LRRC37A2: variants seen among roughly 807,000 people sequenced by gnomAD.
LRRC37A2 encodes the protein leucine-rich repeat-containing protein 37A2.
LRRC37A2 carries 9 observed loss-of-function variants against 68.8 expected under a neutral mutation model. The ratio of observed to expected loss-of-function variants is 0.13; its 90% CI spans 0.08 to 0.23. The LOEUF (loss-of-function observed/expected upper bound fraction) is 0.23, where lower values mean the gene tolerates loss of function less well. LRRC37A2 is among the 10% of genes least tolerant of loss of function. The probability of loss-of-function intolerance (pLI) is 1.00; values close to 1 mark genes in which losing one functional copy is unlikely to be tolerated. For missense variants in LRRC37A2, 168 were observed against 950.4 expected, an observed-to-expected ratio of 0.18 and a Z score of 10.82; for synonymous variants, 63 against 367.6, an observed-to-expected ratio of 0.17 and a Z score of 9.48.
At chr17:46,454,549 C>CT in the LRRC37A2 span, among the ~76,000 whole-genome samples, 1,112 of 6,522 alleles carry the variant, frequency 0.17, 10 homozygotes, top group Middle Eastern at 0.32. Flanking sequence ...GAGGTGAAGT[C>CT]TTTTTTTTTT....
At chr17:47,022,166 C>CTTTTTTTTTTTTTTTTTTTTTTTTTTTT in the LRRC37A2 span, among the ~76,000 whole-genome samples, 6 of 15,856 alleles carry the variant, frequency 3.8e-4, 2 homozygotes, top group Non-Finnish European at 4.4e-4. Flanking sequence ...CCTTTTTGTT[C>CTTTTTTTTTTTTTTTTTTTTTTTTTTTT]TCTTTTTTTT....
At chr17:46,982,308 C>T in the LRRC37A2 span, among the ~76,000 whole-genome samples, 8 of 152,160 alleles carry the variant, frequency 5.3e-5, no homozygotes, top group Non-Finnish European at 1.0e-4. Context: ...ACTTGGAGTC[C>T]GTACCTTGAT....
At chr17:46,935,313 T>C in the LRRC37A2 span, 1 of 1,530,576 alleles carries the variant, frequency 6.5e-7, no homozygotes, top group East Asian at 2.3e-5. Flanking sequence ...TTGGGATCCT[T>C]TCTGTTGGAG....
the LRRC37A2 span, among the ~76,000 whole-genome samples, chr17:46,890,661 G>A: frequency 6.6e-6 from 1 of 152,228 alleles, no homozygotes; most frequent in African/African-American, 2.4e-5. Flanking sequence ...CACAGGCATG[G>A]CCTGTCTTTG....
chr17:46,829,174 A>AT, the LRRC37A2 span, among the ~76,000 whole-genome samples: 1,498 of 147,982 alleles, frequency 0.01, 12 homozygotes, highest in Admixed American at 0.022. Context: ...TTATATTTCA[A>AT]TTTTTTTTTT....
chr17:46,818,743 C>A, the LRRC37A2 span: 2 of 819,848 alleles, frequency 2.4e-6, no homozygotes, highest in South Asian at 1.6e-5. Context: ...GCCCCCCTCC[C>A]GAGCCCAGCG....
chr17:46,932,572 C>T, the LRRC37A2 span: 9 of 475,794 alleles, frequency 1.9e-5, no homozygotes, highest in East Asian at 3.2e-4. Context: ...TCAAAGCTGC[C>T]TGCGGGCAGT....
chr17:46,769,758 G>C, the LRRC37A2 span: 25 of 1,607,164 alleles, frequency 1.6e-5, no homozygotes, highest in Non-Finnish European at 2.0e-5. Flanking sequence ...TCCCTGAAGG[G>C]TTTGGGGAGG....
At chr17:46,937,298 AC>A in the LRRC37A2 span, 1 of 152,140 alleles carries the variant, frequency 6.6e-6, no homozygotes, top group African/African-American at 2.4e-5. Context: ...CACCCATTGT[AC>A]TCAGAAGAAA....
At chr17:46,728,746 A>G in the LRRC37A2 span, 1 of 635,856 alleles carries the variant, frequency 1.6e-6, no homozygotes, top group Non-Finnish European at 2.6e-6. Flanking sequence ...TATTCTGCTT[A>G]TGTAGGGACT....
At chr17:46,752,929 G>A in the LRRC37A2 span, among the ~76,000 whole-genome samples, 1 of 152,058 alleles carries the variant, frequency 6.6e-6, no homozygotes, top group Non-Finnish European at 1.5e-5. Context: ...CACCATGCCT[G>A]GCTAATTTTT....
At chr17:46,969,111 C>T in the LRRC37A2 span, among the ~76,000 whole-genome samples, 8 of 152,186 alleles carry the variant, frequency 5.3e-5, no homozygotes, top group Admixed American at 2.0e-4. Context: ...CCAGGAGAAG[C>T]GGAAGCCGAT....
At chr17:46,935,035 G>A in the LRRC37A2 span, 3 of 1,613,118 alleles carry the variant, frequency 1.9e-6, no homozygotes, top group East Asian at 4.5e-5. Flanking sequence ...ACAGGACTCT[G>A]ACACCACCAT....
At chr17:46,984,038 C>A in the LRRC37A2 span, 1 of 152,378 alleles carries the variant, frequency 6.6e-6, no homozygotes. Flanking sequence ...CAGAGTAACT[C>A]TTGAAGAATG....
the LRRC37A2 span, among the ~76,000 whole-genome samples, chr17:46,892,772 A>G: frequency 6.6e-6 from 1 of 152,182 alleles, no homozygotes; most frequent in African/African-American, 2.4e-5. Flanking sequence ...GGATGGACAA[A>G]AAAAGGCATG....
the LRRC37A2 span, chr17:47,019,292 T>C: frequency 1.2e-6 from 2 of 1,603,480 alleles, no homozygotes; most frequent in Non-Finnish European, 1.7e-6. Flanking sequence ...AGGTGACACT[T>C]CCACCTTCAG....
chr17:46,957,751 T>G, the LRRC37A2 span, among the ~76,000 whole-genome samples: 2 of 152,180 alleles, frequency 1.3e-5, no homozygotes, highest in Non-Finnish European at 2.9e-5. Context: ...GGATGCAGTT[T>G]GAACCTGTAT....
the LRRC37A2 span, among the ~76,000 whole-genome samples, chr17:47,048,044 A>C: frequency 9.7e-6 from 1 of 103,054 alleles, no homozygotes; most frequent in Admixed American, 1.3e-4. Context: ...TTATTTTTCA[A>C]AACTTTTTTT....
At chr17:46,734,752 A>G in the LRRC37A2 span, among the ~76,000 whole-genome samples, 1 of 152,196 alleles carries the variant, frequency 6.6e-6, no homozygotes, top group African/African-American at 2.4e-5. Flanking sequence ...ATTAATTTCA[A>G]ATGTATCAAA....
Sources: gnomAD v4.1 joint callset for allele counts (sites outside exome capture counted in the v4.1 genomes callset) on GRCh38, gnomAD v4.1.1 for gene constraint, MANE v1.5 for transcripts, NCBI Gene and HGNC (gene_info 2026-07-23, HGNC 2026-07-21) for gene names.